The following BAHCC1 variants were observed in gnomAD, a reference collection of about 807,000 sequenced individuals.
The protein encoded by BAHCC1 is BAH and coiled-coil domain-containing protein 1.
BAHCC1 carries 43 observed loss-of-function variants against 88.2 expected under a neutral mutation model. The ratio of observed to expected loss-of-function variants is 0.49; its 90% CI spans 0.38 to 0.63. The LOEUF (loss-of-function observed/expected upper bound fraction) is 0.63, where lower values mean the gene tolerates loss of function less well. Ranked by LOEUF, BAHCC1 falls within the 20% of genes least tolerant of loss-of-function variation. The pLI is 0.00. For synonymous variants in BAHCC1, 1,510 were observed against 745.5 expected (o/e 2.03, Z -16.71); for missense variants, 3,023 against 1,654.8 (o/e 1.83, Z -14.34).
intron 3 of BAHCC1, among the ~76,000 whole-genome samples, chr17:81,428,408 C>A (rs1212318194): frequency 6.6e-6 from 1 of 152,184 alleles, no homozygotes; most frequent in Non-Finnish European, 1.5e-5. Flanking sequence ...GTGAACCCCC[C>A]ACAACAGACG....
At chr17:81,460,758 G>A in intron 25 of BAHCC1, 52 bp downstream of exon 25, 1 of 776,266 alleles carries the variant, frequency 1.3e-6, no homozygotes, top group South Asian at 1.3e-5. Flanking sequence ...CCCTCTGGGG[G>A]CTGGGGGAAC....
intron 1 of BAHCC1, chr17:81,396,192 C>T (rs1248335941): frequency 6.6e-6 from 1 of 152,302 alleles, no homozygotes; most frequent in Non-Finnish European, 1.5e-5. Context: ...TACCCACGGC[C>T]GCTGCCCTGA....
In BAHCC1 at chr17:81,399,613, C is replaced by A; in HGVS notation, c.-127C>A. ...CCCAGTCCTCCCGCGTGCTGACCGG[C>A]CCCGCCGCCACCACCGCCTGTGACC... is the stretch of plus-strand genomic sequence containing the variant. On this transcript the variant is annotated 5_prime_UTR_variant, in exon 2 of 28. Transcript: ENST00000675386. This position sits in a 1 kb window ranked among gnomAD's most constrained non-coding sequence, Gnocchi z 4.5. The A allele has an allele frequency of 1.7e-6, 1 of 583,142 alleles. No individual in the cohort carries two copies. The highest frequency in any genetic ancestry group is 2.5e-6 in the Non-Finnish European group (1 of 399,510). The allele number at this position is 583,142 out of a possible 1,614,324, so 36.1% of individuals were successfully genotyped here.
At chr17:81,423,422 G>A (rs1266316283) in intron 2 of BAHCC1, among the ~76,000 whole-genome samples, 1 of 152,192 alleles carries the variant, frequency 6.6e-6, no homozygotes, top group Non-Finnish European at 1.5e-5. Context: ...AGCCAGGCTG[G>A]ATGAGGCATC....
At chr17:81,413,854 G>T (rs150658778) in intron 2 of BAHCC1, among the ~76,000 whole-genome samples, 1 of 152,106 alleles carries the variant, frequency 6.6e-6, no homozygotes, top group Non-Finnish European at 1.5e-5. Flanking sequence ...GTGCTGGGGC[G>T]GCTGTGTCCT....
At chr17:81,440,422 G>A (rs1040114260) in intron 4 of BAHCC1, among the ~76,000 whole-genome samples, 4 of 152,220 alleles carry the variant, frequency 2.6e-5, no homozygotes, top group African/African-American at 9.7e-5. Flanking sequence ...GCCCCTTCCC[G>A]CTCCCCTTCC....
chr17:81,412,771 A>C (rs2063970702), intron 2 of BAHCC1, among the ~76,000 whole-genome samples: 1 of 152,206 alleles, frequency 6.6e-6, no homozygotes. Context: ...GGTAGCTTAA[A>C]ACAGCGAACA....
intron 1 of BAHCC1, chr17:81,397,128 A>AGGCGC (rs2063753811): frequency 6.6e-6 from 1 of 151,776 alleles, no homozygotes; most frequent in South Asian, 2.1e-4. Context: ...GCAGACGCGG[A>AGGCGC]GGCGCGGCGC....
At position 81,445,501 on chromosome 17, in the gene BAHCC1, C is replaced by T. The variant is rs1256070313; in HGVS notation, c.2983C>T (p.His995Tyr). The T allele has an allele frequency of 5.4e-6, 4 of 745,318 alleles. No individual in the cohort carries two copies. The highest frequency in any genetic ancestry group is 5.2e-5 in the African/African-American group (3 of 58,174). The allele number at this position is 745,318 out of a possible 1,614,324, so 46.2% of individuals were successfully genotyped here. A position where few individuals can be genotyped will look rare whatever the true frequency, so the allele number is the denominator to read the frequency against. The change falls in exon 10 of 28, where the codon CAT becomes TAT. Residue 995 changes from histidine to tyrosine, a missense_variant. His to Tyr is a moderately conservative substitution (Grantham distance 83). Coordinates refer to ENST00000675386, the MANE Select transcript of BAHCC1 (RefSeq NM_001377448.1). ...AGPTKLPPCCHPPDPKPPASS... is the reference protein window; with the variant it reads ...AGPTKLPPCCYPPDPKPPASS... ...CCCCACCAAGCTGCCACCTTGCTGCCATCCGCCCGACCCAAAGCCCCCCGC... is the reference window on the plus strand; with the variant it reads ...CCCCACCAAGCTGCCACCTTGCTGCTATCCGCCCGACCCAAAGCCCCCCGC...
At chr17:81,457,777 T>C (rs1199405940) in intron 17 of BAHCC1, among the ~76,000 whole-genome samples, 185 bp downstream of exon 17, 15 of 46,736 alleles carry the variant, frequency 3.2e-4, no homozygotes, top group Admixed American at 9.4e-4. Context: ...TGCTGGGTAA[T>C]CAGGAGGGGG....
chr17:81,433,911 A>G (rs766235328), intron 3 of BAHCC1, among the ~76,000 whole-genome samples: 7 of 152,216 alleles, frequency 4.6e-5, no homozygotes, highest in Non-Finnish European at 1.0e-4. Context: ...ACCCTGAGTG[A>G]CGGGGGTGTC....
intron 25 of BAHCC1, 25 bp from the exon 26 acceptor site, chr17:81,460,841 G>C (rs782164349): frequency 1.3e-5 from 10 of 766,618 alleles, no homozygotes; most frequent in Non-Finnish European, 2.2e-5. Context: ...AGCTGGGGCT[G>C]ACTCTGCTGG....
intron 2 of BAHCC1, chr17:81,415,430 C>G (rs1367815528): frequency 7.3e-6 from 3 of 412,474 alleles, no homozygotes; most frequent in Non-Finnish European, 1.5e-5. Context: ...GGCATACGTC[C>G]CCCTGGAAGG....
chr17:81,442,505 G>A lies in BAHCC1; in HGVS notation c.1156G>A (p.Asp386Asn). 1.4e-6 allele frequency: 1 copy of A among 721,594 alleles called. No homozygotes were observed. The highest frequency in any genetic ancestry group is 2.6e-6 in the Non-Finnish European group (1 of 390,156). The allele number at this position is 721,594 out of a possible 1,614,324, so 44.7% of individuals were successfully genotyped here. ...LCPLQDKAPR[D>N]LKASGPTFVP... ...CCCGCTGCAGGACAAAGCCCCCCGG[G>A]ACCTAAAGGCCAGCGGGCCCACCTT... The change falls in exon 5 of 28, where the codon GAC (aspartate) becomes AAC (asparagine). Residue 386 changes from aspartate (D) to asparagine (N), a missense_variant. Transcript: ENST00000675386.
rs782109056 is a variant in BAHCC1 at position 81,444,578 on chromosome 17, C to G, written c.2512+10C>G. The G allele has an allele frequency of 9.9e-5, 73 of 734,170 alleles. 1 individual carries two copies. In the Middle Eastern group the frequency reaches 1.2e-3, roughly 12 times the overall value. The allele number at this position is 734,170 out of a possible 1,614,324, so 45.5% of individuals were successfully genotyped here. On this transcript the variant is annotated intron_variant, in intron 7 of 27. Transcript: ENST00000675386. ...GGGGGGCACTCCTACGGTCAGTGAT[C>G]CAAGGGCGGGGGCTGGCCTGGGGCT...
chr17:81,416,680 G>A (rs1238050812), intron 2 of BAHCC1, among the ~76,000 whole-genome samples: 1 of 152,214 alleles, frequency 6.6e-6, no homozygotes, highest in Non-Finnish European at 1.5e-5. Flanking sequence ...GCACACAGGA[G>A]GGTGAGAGCC....
intron 2 of BAHCC1, among the ~76,000 whole-genome samples, chr17:81,410,918 C>T (rs1210731206): frequency 6.6e-6 from 1 of 152,124 alleles, no homozygotes; most frequent in Non-Finnish European, 1.5e-5. Context: ...GGGATGGCCG[C>T]TCATCAAACA....
intron 2 of BAHCC1, among the ~76,000 whole-genome samples, chr17:81,419,633 G>T (rs1598466238): frequency 6.7e-6 from 1 of 150,232 alleles, no homozygotes; most frequent in South Asian, 2.1e-4. Context: ...TGGGTCGGGG[G>T]TGGGAGCTGA....
Position 81,452,821 on chromosome 17 carries a change from C to T in BAHCC1, c.4415C>T (p.Pro1472Leu), listed in dbSNP as rs781918167. 3 of 743,638 alleles carry T rather than the reference C, an allele frequency of 4.0e-6. No homozygotes were observed. Among genetic ancestry groups the T allele is most frequent in the Non-Finnish European group, 4.9e-6 (2 of 404,162 alleles). The allele number at this position is 743,638 out of a possible 1,614,324, so 46.1% of individuals were successfully genotyped here. A position where few individuals can be genotyped will look rare whatever the true frequency, so the allele number is the denominator to read the frequency against. ...CTGCCTGCCCCACGTCCCACGGGGC[C>T]GCTCCCCAGGAGCGATGGCAAGAAA... ...SSLPAPRPTG[P>L]LPRSDGKKVK... Residue 1472 changes from proline to leucine, a missense_variant, in exon 14 of 28, where the codon CCG becomes CTG. Physicochemically the swap from Pro to Leu is moderately conservative, Grantham distance 98 (BLOSUM62 -3). Transcript: ENST00000675386.
Sources: allele counts gnomAD v4.1 joint callset (sites outside exome capture counted in the v4.1 genomes callset), GRCh38; gene constraint gnomAD v4.1.1; non-coding constraint Gnocchi (gnomAD v3.1); transcripts MANE v1.5; gene names NCBI Gene and HGNC (gene_info 2026-07-23, HGNC 2026-07-21).